The following MDFIC variants were observed in gnomAD, a reference collection of about 807,000 sequenced individuals.
MDFIC encodes the protein MyoD family inhibitor domain containing.
Under a neutral mutation model 23.2 loss-of-function variants are expected in MDFIC, and 17 were observed. The ratio of observed to expected loss-of-function variants is 0.73; its 90% CI spans 0.50 to 1.10. The LOEUF (loss-of-function observed/expected upper bound fraction) is 1.10. Ranked by LOEUF, MDFIC falls within the 50% of genes least tolerant of loss-of-function variation. The probability of loss-of-function intolerance (pLI) is 0.00; values close to 1 mark genes in which losing one functional copy is unlikely to be tolerated. For missense variants in MDFIC, 356 were observed against 316.6 expected (o/e 1.12, Z -0.95); for synonymous variants, 120 against 115.2 (o/e 1.04, Z -0.27).
intron 3 of MDFIC, among the ~76,000 whole-genome samples, chr7:114,974,723 T>A (rs939219959): frequency 7.2e-5 from 11 of 152,110 alleles, no homozygotes; most frequent in Admixed American, 1.3e-4. Context: ...TTTAAAAAAA[T>A]TGTCAAAAGA....
chr7:114,937,417 A>G (rs1188119901), intron 2 of MDFIC, among the ~76,000 whole-genome samples: 1 of 152,200 alleles, frequency 6.6e-6, no homozygotes, highest in Admixed American at 6.5e-5. Context: ...TGGCTTTTCT[A>G]TGATTTCCTC....
At chr7:114,987,322 T>C (rs1793532218) in intron 4 of MDFIC, among the ~76,000 whole-genome samples, 1 of 152,182 alleles carries the variant, frequency 6.6e-6, no homozygotes, top group African/African-American at 2.4e-5. Flanking sequence ...TAAAAAGCTT[T>C]TCCGTTTTGC....
At chr7:114,977,576 C>A (rs1014241469) in intron 3 of MDFIC, among the ~76,000 whole-genome samples, 2 of 152,144 alleles carry the variant, frequency 1.3e-5, no homozygotes, top group South Asian at 2.1e-4. Context: ...TAGGTCACAT[C>A]CTTGTCCTCT....
chr7:114,934,775 T>C (rs1792392332), intron 2 of MDFIC, among the ~76,000 whole-genome samples: 1 of 152,220 alleles, frequency 6.6e-6, no homozygotes, highest in East Asian at 1.9e-4. Flanking sequence ...AATCTTGAAG[T>C]TTTATGCATA....
chr7:114,953,592 CAG>C (rs767239024), intron 3 of MDFIC, among the ~76,000 whole-genome samples: 3 of 152,122 alleles, frequency 2.0e-5, no homozygotes, highest in Non-Finnish European at 4.4e-5. Flanking sequence ...TTGTGTGAAA[CAG>C]TGTTGAGTGT....
intron 4 of MDFIC, among the ~76,000 whole-genome samples, chr7:114,984,992 G>A (rs1247293834): frequency 4.6e-5 from 7 of 152,152 alleles, no homozygotes; most frequent in African/African-American, 9.7e-5. Flanking sequence ...AGTGAAGAGC[G>A]TTATGTAGAT....
At chr7:114,960,153 C>T (rs912175374) in intron 3 of MDFIC, among the ~76,000 whole-genome samples, 2 of 152,132 alleles carry the variant, frequency 1.3e-5, no homozygotes, top group Non-Finnish European at 2.9e-5. Flanking sequence ...TCCCTTTTCT[C>T]ACTACCTCAC....
rs562884132 is a variant in MDFIC, at chr7:115,019,895, T to C, written c.*3960T>C. 2.0e-5 allele frequency among the ~76,000 whole-genome samples: 3 copies of C among 152,288 alleles called. No homozygotes were observed. Among genetic ancestry groups the C allele is most frequent in the Admixed American group, 2.0e-4 (3 of 15,278 alleles). On this transcript the variant is annotated 3_prime_UTR_variant, in exon 5 of 5. Transcript: ENST00000393486. The stretch of plus-strand genomic sequence containing the variant: ...TCAACCCTTCATCTTCGTATGCTTA[T>C]ACAATAAATTGCAGTGAGTGTTTTC...
intron 4 of MDFIC, among the ~76,000 whole-genome samples, chr7:115,005,004 C>T (rs933245292): frequency 2.6e-5 from 4 of 152,220 alleles, no homozygotes; most frequent in African/African-American, 9.6e-5. Flanking sequence ...ATTAACTTTC[C>T]ATTCTGTTTT....
At position 114,922,604 on chromosome 7, in the gene MDFIC, A is replaced by G; in HGVS notation, c.-140A>G. On this transcript the variant is annotated 5_prime_UTR_variant, in exon 1 of 5. Coordinates refer to ENST00000393486, the MANE Select transcript of MDFIC (RefSeq NM_001166345.3). Reference sequence around the variant, plus strand: ...CGGAAGAGGAGGAGGAGGAGGAGGAAGGGGCTTGGAGCGACTACGGGGGGA... The same window carrying G: ...CGGAAGAGGAGGAGGAGGAGGAGGAGGGGGCTTGGAGCGACTACGGGGGGA... 2 of 1,265,588 alleles carry G rather than the reference A, an allele frequency of 1.6e-6. No homozygotes were observed. Among genetic ancestry groups the G allele is most frequent in the Non-Finnish European group, 2.0e-6 (2 of 997,878 alleles). 78.4% of individuals were successfully genotyped at this position (1,265,588 alleles called of 1,614,324 possible). A position where few individuals can be genotyped will look rare whatever the true frequency, so the allele number is the denominator to read the frequency against.
At position 115,016,667 on chromosome 7, in the gene MDFIC, A is replaced by AATAAAT. The variant is rs1791800734; in HGVS notation, c.*734_*739dup. ...CTCTAAATAAATAAATAAATAAATA[A>AATAAAT]ATAAATAAATAAATAAATAAACAAA... On this transcript the variant is annotated 3_prime_UTR_variant, in exon 5 of 5. Transcript: ENST00000393486. 2 of 156,518 alleles carry AATAAAT rather than the reference A, an allele frequency of 1.3e-5. No homozygotes were observed. 9.7% of individuals were successfully genotyped at this position (156,518 alleles called of 1,614,324 possible). A position where few individuals can be genotyped will look rare whatever the true frequency, so the allele number is the denominator to read the frequency against.
At chr7:114,936,753 G>C (rs1792432315) in intron 2 of MDFIC, among the ~76,000 whole-genome samples, 1 of 152,100 alleles carries the variant, frequency 6.6e-6, no homozygotes, top group African/African-American at 2.4e-5. Context: ...CTATCTCTGA[G>C]ACTGTTTTCT....
chr7:114,922,616 C>T lies in MDFIC; in HGVS notation c.-128C>T. On this transcript the variant is annotated 5_prime_UTR_variant, in exon 1 of 5. Coordinates refer to ENST00000393486, the MANE Select transcript of MDFIC (RefSeq NM_001166345.3). Reference sequence around the variant, plus strand: ...AGGAGGAGGAGGAAGGGGCTTGGAGCGACTACGGGGGGATGCGGAGGTAGG... The same window carrying T: ...AGGAGGAGGAGGAAGGGGCTTGGAGTGACTACGGGGGGATGCGGAGGTAGG... The T allele has an allele frequency of 7.8e-7, 1 of 1,279,368 alleles. No homozygotes were observed. Among genetic ancestry groups the T allele is most frequent in the Non-Finnish European group, 9.9e-7 (1 of 1,006,270 alleles). The allele number at this position is 1,279,368 out of a possible 1,614,324, so 79.3% of individuals were successfully genotyped here. A position where few individuals can be genotyped will look rare whatever the true frequency, so the allele number is the denominator to read the frequency against.
chr7:114,978,122 G>T (rs1053591575), intron 3 of MDFIC, among the ~76,000 whole-genome samples: 5 of 151,462 alleles, frequency 3.3e-5, no homozygotes, highest in Non-Finnish European at 7.4e-5. Context: ...CCATATTTGG[G>T]GCTCAATAAT....
At chr7:114,923,429 T>C in intron 2 of MDFIC, 2 of 1,532,974 alleles carry the variant, frequency 1.3e-6, no homozygotes, top group South Asian at 1.2e-5. Context: ...TAAGACTCAA[T>C]GTGTAGGTTC....
At chr7:115,004,054 A>G (rs1204750316) in intron 4 of MDFIC, among the ~76,000 whole-genome samples, 2 of 152,250 alleles carry the variant, frequency 1.3e-5, no homozygotes, top group Non-Finnish European at 2.9e-5. Flanking sequence ...AAATTTAAAA[A>G]ATACAATAAA....
At chr7:115,006,990 G>GAT in intron 4 of MDFIC, among the ~76,000 whole-genome samples, 1 of 152,002 alleles carries the variant, frequency 6.6e-6, no homozygotes, top group South Asian at 2.1e-4. Flanking sequence ...GAAAAAATAG[G>GAT]TTATTATTTT....
chr7:114,959,238 T>C (rs1792941927), intron 3 of MDFIC, among the ~76,000 whole-genome samples: 2 of 152,204 alleles, frequency 1.3e-5, no homozygotes, highest in Admixed American at 6.5e-5. Context: ...CATAGCCTGG[T>C]CAGTAATAAT....
intron 2 of MDFIC, among the ~76,000 whole-genome samples, chr7:114,941,844 C>T (rs1371948538): frequency 6.6e-6 from 1 of 152,138 alleles, no homozygotes; most frequent in African/African-American, 2.4e-5. Flanking sequence ...CCTCACTACT[C>T]AGTCACTCCT....
Sources: gnomAD v4.1 joint callset for allele counts (sites outside exome capture counted in the v4.1 genomes callset) on GRCh38, gnomAD v4.1.1 for gene constraint, MANE v1.5 for transcripts, NCBI Gene and HGNC (gene_info 2026-07-23, HGNC 2026-07-21) for gene names.